The following HEXD variants were observed in gnomAD, a reference collection of about 807,000 sequenced individuals.
HEXD encodes hexosaminidase D, also known as N-acetyl-beta-galactosaminidase.
A neutral mutation model predicts 54.2 loss-of-function variants in HEXD; 47 were observed. That is an observed-to-expected ratio of 0.87 (90% CI 0.69 to 1.11). The LOEUF is 1.11. Among genes scored for constraint, HEXD ranks in the 50% least tolerant of loss-of-function variants. The probability of loss-of-function intolerance (pLI) is 0.00; values close to 1 mark genes in which losing one functional copy is unlikely to be tolerated. For synonymous variants in HEXD, 293 were observed against 287.6 expected (o/e 1.02, Z -0.19); for missense variants, 576 against 649.2 (o/e 0.89, Z 1.23).
intron 3 of HEXD, chr17:82,426,216 T>G (rs2053409890): frequency 6.6e-6 from 1 of 152,306 alleles, no homozygotes. Flanking sequence ...GCAGTAGGGC[T>G]TCTGCCTGGG....
chr17:82,420,219 T>G (rs1022096415), intron 2 of HEXD: 1 of 179,524 alleles, frequency 5.6e-6, no homozygotes, highest in Non-Finnish European at 1.2e-5. Context: ...AATAGGATCT[T>G]TGCAGATGTA....
intron 4 of HEXD, among the ~76,000 whole-genome samples, chr17:82,430,395 G>T (rs891624867): frequency 2.0e-5 from 3 of 152,102 alleles, no homozygotes; most frequent in Non-Finnish European, 4.4e-5. Context: ...CCCTTTTTGT[G>T]TGTTTGTTTT....
chr17:82,438,304 AT>A (rs2053831824), intron 8 of HEXD, among the ~76,000 whole-genome samples: 1 of 152,152 alleles, frequency 6.6e-6, no homozygotes, highest in African/African-American at 2.4e-5. Flanking sequence ...TGTGTAGCCT[AT>A]GGAAGCCTAA....
At chr17:82,440,261 A>T in intron 9 of HEXD, 1 of 1,287,278 alleles carries the variant, frequency 7.8e-7, no homozygotes, top group Non-Finnish European at 1.0e-6. Flanking sequence ...GTGCTGATGC[A>T]GAAAGAAAAA....
intron 2 of HEXD, chr17:82,420,089 A>C: frequency 5.2e-6 from 2 of 385,586 alleles, no homozygotes; most frequent in Non-Finnish European, 9.2e-6. Flanking sequence ...AAGGGAAAAA[A>C]AAAAAAGACA....
chr17:82,441,292 G>A (rs111348631), intron 11 of HEXD, 26 bp downstream of exon 11: 19 of 1,594,654 alleles, frequency 1.2e-5, no homozygotes, highest in Middle Eastern at 1.8e-4. Flanking sequence ...AGGGGCAGGT[G>A]TGGGTGAGGG....
At position 82,418,520 on chromosome 17, in the gene HEXD, G is replaced by C; in HGVS notation, c.-272G>C. Reference sequence around the variant, plus strand: ...CCGCCGCGGAGCCGGGCCGGACGCGGGCGCCAGGCCCGGGGACGAACGCCG... The same window carrying C: ...CCGCCGCGGAGCCGGGCCGGACGCGCGCGCCAGGCCCGGGGACGAACGCCG... On this transcript the variant is annotated 5_prime_UTR_variant, in exon 1 of 13. Coordinates refer to ENST00000327949, the MANE Select transcript of HEXD (RefSeq NM_001330542.2). 7.9e-7 allele frequency: 1 copy of C among 1,270,322 alleles called. No individual in the cohort carries two copies. The highest frequency in any genetic ancestry group is 1.0e-6 in the Non-Finnish European group (1 of 992,996). The allele number at this position is 1,270,322 out of a possible 1,614,324, so 78.7% of individuals were successfully genotyped here.
chr17:82,433,604 G>A (rs2053673450), intron 4 of HEXD, 54 bp from the exon 5 acceptor site: 1 of 1,464,338 alleles, frequency 6.8e-7, no homozygotes, highest in South Asian at 1.4e-5. Flanking sequence ...GTGGGCAGAA[G>A]GAGATCAGTC....
At position 82,442,611 on chromosome 17, in the gene HEXD, A is replaced by G; in HGVS notation, c.*227A>G. ...TTTGTGATCTGCATGTGTGACACTG[A>G]TTCTTTGGAAATAAAGAGTGGAAGC... is the stretch of plus-strand genomic sequence containing the variant. On this transcript the variant is annotated 3_prime_UTR_variant, in exon 13 of 13. Transcript: ENST00000327949. This position sits in a 1 kb window ranked among gnomAD's most constrained non-coding sequence, Gnocchi z 6.8. 1 of 1,546,812 alleles carries G rather than the reference A, an allele frequency of 6.5e-7. No homozygotes were observed. The highest frequency in any genetic ancestry group is 8.8e-7 in the Non-Finnish European group (1 of 1,140,044).
chr17:82,437,124 G>T, intron 7 of HEXD, 44 bp from the exon 8 acceptor site: 1 of 1,512,028 alleles, frequency 6.6e-7, no homozygotes, highest in Non-Finnish European at 9.0e-7. Flanking sequence ...GGCCGTGTTG[G>T]CCGCCTCCCC....
intron 2 of HEXD, among the ~76,000 whole-genome samples, chr17:82,421,515 C>G (rs1351886736): frequency 6.6e-6 from 1 of 152,164 alleles, no homozygotes; most frequent in African/African-American, 2.4e-5. Flanking sequence ...ATTGCAAACA[C>G]AAGAGCCTGT....
chr17:82,424,394 AT>A lies in HEXD; in HGVS notation c.90del (p.Pro31LeufsTer6), dbSNP rs2053333523. On this transcript the variant is annotated frameshift_variant and splice_region_variant, in exon 3 of 13. Coordinates refer to ENST00000327949, the MANE Select transcript of HEXD (RefSeq NM_001330542.2). LOFTEE classifies it high-confidence loss of function. ...TAACCCCTCCCTGTTTACCCCCCAG[AT>A]TTTTCCTCTGTTCCGTGCGCTAGGT... is the stretch of plus-strand genomic sequence containing the variant. Reference protein sequence around the residue: ...APPKVSYLSEIFPLFRALGAN... With the variant: ...APPKVSYLSEXFPLFRALGAN... The A allele has an allele frequency of 6.2e-7, 1 of 1,611,780 alleles. No homozygotes were observed. Among genetic ancestry groups the A allele is most frequent in the Non-Finnish European group, 8.5e-7 (1 of 1,178,198 alleles).
At chr17:82,422,330 A>G (rs1344304939) in intron 2 of HEXD, among the ~76,000 whole-genome samples, 1 of 151,962 alleles carries the variant, frequency 6.6e-6, no homozygotes, top group Non-Finnish European at 1.5e-5. Flanking sequence ...AACAGCATAA[A>G]TCAGAAATAG....
chr17:82,441,186 T>C lies in HEXD; in HGVS notation c.1083T>C (p.Pro361=), dbSNP rs1355894409. Residue 361 remains proline, a synonymous_variant, in exon 11 of 13, where the codon CCT becomes CCC. Coordinates refer to ENST00000327949, the MANE Select transcript of HEXD (RefSeq NM_001330542.2). ...GCAGGGAGGGGGCCGGCTCCTTCCCTGGCAGCAACATCCTTGCCCTTGTCA... is the reference window on the plus strand; with the variant it reads ...GCAGGGAGGGGGCCGGCTCCTTCCCCGGCAGCAACATCCTTGCCCTTGTCA... ...DPVREGAGSF[P]GSNILALVTQ... The C allele has an allele frequency of 6.2e-7, 1 of 1,613,176 alleles. No homozygotes were observed. Among genetic ancestry groups the C allele is most frequent in the Admixed American group, 1.7e-5 (1 of 60,006 alleles).
chr17:82,436,283 C>T (rs905693071), intron 6 of HEXD, among the ~76,000 whole-genome samples: 3 of 152,246 alleles, frequency 2.0e-5, no homozygotes, highest in Admixed American at 2.0e-4. Context: ...GGCCTGGTTC[C>T]ACACAGAGCC....
chr17:82,442,505 ACACT>A lies in HEXD; in HGVS notation c.*124_*127del. 3 of 1,597,500 alleles carry A rather than the reference ACACT, an allele frequency of 1.9e-6. No homozygotes were observed. Among genetic ancestry groups the A allele is most frequent in the Non-Finnish European group, 2.6e-6 (3 of 1,166,790 alleles). On this transcript the variant is annotated 3_prime_UTR_variant, in exon 13 of 13. Coordinates refer to ENST00000327949, the MANE Select transcript of HEXD (RefSeq NM_001330542.2). The surrounding 1 kb of genome is among the most constrained non-coding windows in gnomAD (Gnocchi z 6.8). The stretch of plus-strand genomic sequence containing the variant: ...CCTCTGGCCCAGCAGTGTCTTGCCC[ACACT>A]CAGTTCCTGAGGGCCCTGGGCAGCC...
intron 8 of HEXD, among the ~76,000 whole-genome samples, chr17:82,438,346 T>TG (rs1338655661): frequency 1.3e-5 from 2 of 152,160 alleles, no homozygotes; most frequent in African/African-American, 4.8e-5. Flanking sequence ...CATGCTGTCG[T>TG]GGGTGTGGGG....
At position 82,439,667 on chromosome 17, in the gene HEXD, C is replaced by T. The variant is rs141407835; in HGVS notation, c.936C>T (p.Pro312=). 1.9e-4 allele frequency: 304 copies of T among 1,596,376 alleles called. 3 individuals carry two copies. In the African/African-American group the frequency reaches 3.2e-3, roughly 17 times the overall value. Residue 312 remains proline, a synonymous_variant, in exon 9 of 13, where the codon CCC becomes CCT. Transcript: ENST00000327949. ...ACTCTGTGCTGTGCGAGCTGCTGCCCGCAGGAGTCCCGTCCCTGGCCGCCT... is the reference window on the plus strand; with the variant it reads ...ACTCTGTGCTGTGCGAGCTGCTGCCTGCAGGAGTCCCGTCCCTGGCCGCCT... The part of the protein sequence containing the change: ...DHYSVLCELL[P]AGVPSLAACL...
chr17:82,420,120 G>A, intron 2 of HEXD: 1 of 344,902 alleles, frequency 2.9e-6, no homozygotes, highest in Admixed American at 4.7e-5. Flanking sequence ...GAAACTCACA[G>A]CTTCTTTCTT....
Sources: gnomAD v4.1 joint callset for allele counts (sites outside exome capture counted in the v4.1 genomes callset) on GRCh38, gnomAD v4.1.1 for gene constraint, Gnocchi (gnomAD v3.1) non-coding constraint, MANE v1.5 for transcripts, NCBI Gene and HGNC (gene_info 2026-07-23, HGNC 2026-07-21) for gene names.